Variants in ITSN1 observed in about 807,000 individuals in gnomAD.
The protein encoded by ITSN1 is intersectin 1, also known as intersectin-1.
Under a neutral mutation model 239.8 loss-of-function variants are expected in ITSN1, and 58 were observed. That is an observed-to-expected ratio of 0.24 (90% CI 0.20 to 0.30). The LOEUF (loss-of-function observed/expected upper bound fraction) is 0.30, where lower values mean the gene tolerates loss of function less well. ITSN1 is among the 10% of genes least tolerant of loss of function. The probability of loss-of-function intolerance (pLI) is 1.00; values close to 1 mark genes in which losing one functional copy is unlikely to be tolerated. For synonymous variants in ITSN1, 780 were observed against 770.8 expected, an observed-to-expected ratio of 1.01 and a Z score of -0.20; for missense variants, 1,558 against 2,103.3, an observed-to-expected ratio of 0.74 and a Z score of 5.07.
chr21:33,808,172 C>T lies in ITSN1; in HGVS notation c.2320-2803C>T, dbSNP rs1199146678. Among the ~76,000 whole-genome samples, 23 of 149,608 alleles carry T rather than the reference C, an allele frequency of 1.5e-4. No individual in the cohort carries two copies. The South Asian group carries it at 4.9e-3, about 32-fold the overall frequency. On this transcript the variant is annotated intron_variant, in intron 20 of 39. Coordinates refer to ENST00000381318, the MANE Select transcript of ITSN1 (RefSeq NM_003024.3). ...ACTGCAGTCCGCAGTCCCACCTGGGCGACAGAGCGAGACTCCGTCTCAAAA... is the reference window on the plus strand; with the variant it reads ...ACTGCAGTCCGCAGTCCCACCTGGGTGACAGAGCGAGACTCCGTCTCAAAA...
intron 1 of ITSN1, among the ~76,000 whole-genome samples, chr21:33,699,445 C>G (rs1357510137): frequency 6.6e-6 from 1 of 152,260 alleles, no homozygotes; most frequent in East Asian, 1.9e-4. Context: ...AAATACAAGT[C>G]CAGCTGGCTG....
At chr21:33,652,814 C>CT (rs763062123) in intron 1 of ITSN1, among the ~76,000 whole-genome samples, 14 of 152,048 alleles carry the variant, frequency 9.2e-5, no homozygotes, top group Non-Finnish European at 1.5e-4. Context: ...TGCTGGAACT[C>CT]TAAGTTCCAG....
chr21:33,782,810 G>A (rs1212970505), intron 16 of ITSN1, among the ~76,000 whole-genome samples: 1 of 152,160 alleles, frequency 6.6e-6, no homozygotes, highest in African/African-American at 2.4e-5. Context: ...CGGATCATGA[G>A]GTCAGGAGAT....
In ITSN1 at chr21:33,897,378, C is replaced by A. The variant is rs1226387962; in HGVS notation, c.*9078C>A. ...TTGCCTTAGCTCCATCAGCTTTGTACCCTCACACGTATAGGTGGTGAACTT... is the reference window on the plus strand; with the variant it reads ...TTGCCTTAGCTCCATCAGCTTTGTAACCTCACACGTATAGGTGGTGAACTT... On this transcript the variant is annotated 3_prime_UTR_variant, in exon 40 of 40. Transcript: ENST00000381318. The A allele has an allele frequency of 6.6e-6, 1 of 152,234 alleles. No homozygotes were observed. Among genetic ancestry groups the A allele is most frequent in the African/African-American group, 2.4e-5 (1 of 41,444 alleles). The allele number at this position is 152,234 out of a possible 1,614,324, so 9.4% of individuals were successfully genotyped here.
At chr21:33,742,276 C>T (rs1601948083) in intron 5 of ITSN1, among the ~76,000 whole-genome samples, 1 of 151,972 alleles carries the variant, frequency 6.6e-6, no homozygotes, top group Non-Finnish European at 1.5e-5. Flanking sequence ...AGGCTGGTCT[C>T]GAACTTCTGA....
intron 10 of ITSN1, among the ~76,000 whole-genome samples, chr21:33,767,068 T>C (rs2068777514): frequency 6.6e-6 from 1 of 152,104 alleles, no homozygotes; most frequent in African/African-American, 2.4e-5. Context: ...CTCGGGAGGC[T>C]GAGGCAGGAG....
At chr21:33,811,289 C>G in intron 21 of ITSN1, 67 bp downstream of exon 21, 1 of 1,457,510 alleles carries the variant, frequency 6.9e-7, no homozygotes, top group Non-Finnish European at 9.2e-7. Flanking sequence ...CCCCCACCCC[C>G]TTAAGTATTT....
At chr21:33,779,035 TCTC>T (rs752692665) in intron 14 of ITSN1, among the ~76,000 whole-genome samples, 49 of 151,972 alleles carry the variant, frequency 3.2e-4, no homozygotes, top group Non-Finnish European at 5.9e-4. Context: ...CTACTCTATC[TCTC>T]CTCCTTCTTC....
At chr21:33,886,495 T>C (rs1440929606) in intron 39 of ITSN1, 35 bp downstream of exon 39, 1 of 1,493,822 alleles carries the variant, frequency 6.7e-7, no homozygotes. Context: ...TATTCCTCCT[T>C]CCCTGGCACT....
At chr21:33,712,465 G>A (rs530702231) in intron 1 of ITSN1, among the ~76,000 whole-genome samples, 3 of 152,240 alleles carry the variant, frequency 2.0e-5, no homozygotes, top group East Asian at 3.9e-4. Context: ...TGAGCCTGCC[G>A]TGCATATCCA....
At chr21:33,873,692 G>A (rs763743537) in intron 33 of ITSN1, among the ~76,000 whole-genome samples, 1 of 151,930 alleles carries the variant, frequency 6.6e-6, no homozygotes, top group African/African-American at 2.4e-5. Context: ...CCAACATGGC[G>A]AGACCCCCGT....
chr21:33,757,039 T>C (rs2147575022), intron 8 of ITSN1: 1 of 152,418 alleles, frequency 6.6e-6, no homozygotes, highest in African/African-American at 2.4e-5. Flanking sequence ...GTGCTGGGAT[T>C]ACAGGCATGA....
At chr21:33,875,241 C>T (rs968877839) in intron 33 of ITSN1, 113 bp from the exon 34 acceptor site, 23 of 1,154,852 alleles carry the variant, frequency 2.0e-5, no homozygotes, top group African/African-American at 1.2e-4. Flanking sequence ...AAGTGGGCGC[C>T]GTCCATGAAA....
chr21:33,655,171 A>G (rs1437889492), intron 1 of ITSN1, among the ~76,000 whole-genome samples: 3 of 152,182 alleles, frequency 2.0e-5, no homozygotes, highest in Non-Finnish European at 4.4e-5. Context: ...CATTTTACAA[A>G]TGCGGACTCT....
intron 31 of ITSN1, among the ~76,000 whole-genome samples, chr21:33,863,029 C>T (rs755920539): frequency 2.0e-5 from 3 of 152,162 alleles, no homozygotes; most frequent in Non-Finnish European, 2.9e-5. Context: ...AGGAGACTGC[C>T]GATCAGCTCA....
Position 33,827,778 on chromosome 21 carries a change from T to C in ITSN1, c.3229+915T>C, listed in dbSNP as rs2074055760. Among the ~76,000 whole-genome samples the C allele has an allele frequency of 2.0e-5, 3 of 152,368 alleles. 1 individual carries two copies. Among genetic ancestry groups the C allele is most frequent in the Non-Finnish European group, 1.5e-5 (1 of 68,026 alleles). Reference sequence around the variant, plus strand: ...GAAATAATACGGTTTCTGTGGCACGTCTTCCTGGTCTAGGTCATTTGAACT... The same window carrying C: ...GAAATAATACGGTTTCTGTGGCACGCCTTCCTGGTCTAGGTCATTTGAACT... On this transcript the variant is annotated intron_variant, in intron 26 of 39. Transcript: ENST00000381318.
chr21:33,644,863 A>G (rs2146034111), intron 1 of ITSN1, among the ~76,000 whole-genome samples: 1 of 149,960 alleles, frequency 6.7e-6, no homozygotes, highest in East Asian at 2.0e-4. Flanking sequence ...TGGCTATGTC[A>G]CAGGCTGGAG....
Position 33,858,669 on chromosome 21 carries a change from G to A in ITSN1, c.3784-17G>A, listed in dbSNP as rs200308461. On this transcript the variant is annotated splice_polypyrimidine_tract_variant and intron_variant, in intron 30 of 39. Transcript: ENST00000381318. ...AGCTAACTGCTTTCTGAACTGCTTC[G>A]TTTTCTGCATCTGTAGATTTTTCAA... 228 of 1,541,078 alleles carry A rather than the reference G, an allele frequency of 1.5e-4. No homozygotes were observed. Among genetic ancestry groups the A allele is most frequent in the Non-Finnish European group, 1.9e-4 (217 of 1,114,642 alleles).
intron 20 of ITSN1, among the ~76,000 whole-genome samples, chr21:33,808,718 C>T (rs1318245014): frequency 6.6e-6 from 1 of 152,054 alleles, no homozygotes; most frequent in East Asian, 1.9e-4. Context: ...ACAGGTGCCA[C>T]GAGATTAAAC....
Sources: gnomAD v4.1 joint callset for allele counts (sites outside exome capture counted in the v4.1 genomes callset) on GRCh38, gnomAD v4.1.1 for gene constraint, MANE v1.5 for transcripts, NCBI Gene and HGNC (gene_info 2026-07-23, HGNC 2026-07-21) for gene names.